CPA3: variants seen among roughly 807,000 people sequenced by gnomAD.
The protein encoded by CPA3 is mast cell carboxypeptidase A.
In CPA3, 52 loss-of-function variants were observed where a neutral mutation model predicts 55.8. The observed-to-expected ratio is 0.93, with a 90% CI of 0.75 to 1.17. The LOEUF (loss-of-function observed/expected upper bound fraction) is 1.17. Ranked by LOEUF, CPA3 falls within the 50% of genes most tolerant of loss-of-function variation. The pLI, the probability that CPA3 is intolerant of heterozygous loss-of-function variation, is 0.00. For missense variants in CPA3, 547 were observed against 509.1 expected (o/e 1.07, Z -0.72); for synonymous variants, 179 against 171.2 (o/e 1.05, Z -0.36).
Position 148,881,587 on chromosome 3 carries a change from T to C in CPA3, c.642T>C (p.Ile214=). The C allele has an allele frequency of 6.2e-7, 1 of 1,613,194 alleles. No homozygotes were observed. The highest frequency in any genetic ancestry group is 8.5e-7 in the Non-Finnish European group (1 of 1,179,482). ...TCTTGGACCGAATGAATTTTTACAT[T>C]CTTCCTGTGTTCAATGTTGATGGAT... is the stretch of plus-strand genomic sequence containing the variant. ...TKLLDRMNFY[I]LPVFNVDGYI... The change falls in exon 7 of 11, where the codon ATT becomes ATC. Residue 214 remains isoleucine (I), a synonymous_variant. Transcript: ENST00000296046.
chr3:148,882,855 A>G (rs1037721761), intron 8 of CPA3, among the ~76,000 whole-genome samples: 1 of 152,120 alleles, frequency 6.6e-6, no homozygotes, highest in African/African-American at 2.4e-5. Flanking sequence ...CACAATCCAA[A>G]TGTATAAAAA....
At chr3:148,884,546 T>G (rs1015477032) in intron 9 of CPA3, among the ~76,000 whole-genome samples, 3 of 152,196 alleles carry the variant, frequency 2.0e-5, no homozygotes, top group Non-Finnish European at 4.4e-5. Flanking sequence ...CTTTCAGTAA[T>G]AGCTGTGGTC....
At chr3:148,876,544 CTT>C (rs1382521194) in intron 3 of CPA3, among the ~76,000 whole-genome samples, 1 of 151,892 alleles carries the variant, frequency 6.6e-6, no homozygotes, top group Admixed American at 6.6e-5. Flanking sequence ...ACCTGGCTAA[CTT>C]TTGTATTTTT....
intron 10 of CPA3, among the ~76,000 whole-genome samples, chr3:148,888,734 CAATT>C (rs1231617976): frequency 6.6e-6 from 1 of 152,122 alleles, no homozygotes; most frequent in Non-Finnish European, 1.5e-5. Flanking sequence ...TTGCAAAAGG[CAATT>C]AAAGCATCAA....
rs574568096 is a variant in CPA3 at position 148,867,239 on chromosome 3, T to C, written c.145-1676T>C. Among the ~76,000 whole-genome samples, 177 of 152,334 alleles carry C rather than the reference T, an allele frequency of 1.2e-3. 1 individual carries two copies. The highest frequency in any genetic ancestry group is 3.7e-3 in the Admixed American group (56 of 15,300). On this transcript the variant is annotated intron_variant, in intron 2 of 10. Coordinates refer to ENST00000296046, the MANE Select transcript of CPA3 (RefSeq NM_001870.4). ...CATGAAAATGTGTTTCTCTCCCTTTTGACCTGGGTAAGTCCTACTTATTTC... is the reference window on the plus strand; with the variant it reads ...CATGAAAATGTGTTTCTCTCCCTTTCGACCTGGGTAAGTCCTACTTATTTC...
At chr3:148,882,844 G>C (rs1714407201) in intron 8 of CPA3, among the ~76,000 whole-genome samples, 1 of 151,974 alleles carries the variant, frequency 6.6e-6, no homozygotes, top group African/African-American at 2.4e-5. Context: ...TAAAAATTAA[G>C]CACAATCCAA....
chr3:148,882,620 G>A lies in CPA3; in HGVS notation c.778+25G>A, dbSNP rs905724569. ...TGTGAGTAGCAGACTTGCTATCAAG[G>A]AAAATTGCTATAAGGAATATTTAGG... is the stretch of plus-strand genomic sequence containing the variant. On this transcript the variant is annotated intron_variant, in intron 8 of 10. Transcript: ENST00000296046. 4 of 1,586,406 alleles carry A rather than the reference G, an allele frequency of 2.5e-6. No homozygotes were observed. The African/African-American group carries it at 5.4e-5, about 21-fold the overall frequency.
Position 148,885,669 on chromosome 3 carries a change from G to C in CPA3, c.982-424G>C, listed in dbSNP as rs548339484. On this transcript the variant is annotated intron_variant, in intron 9 of 10. Transcript: ENST00000296046. ...TCATGATCTGCCCACCTCAGCCTCC[G>C]CAAGTGCTGGGATTACAGGCGTGAG... Among the ~76,000 whole-genome samples, 187 of 151,862 alleles carry C rather than the reference G, an allele frequency of 1.2e-3. 1 individual carries two copies. The highest frequency in any genetic ancestry group is 2.0e-3 in the Non-Finnish European group (133 of 67,928).
chr3:148,874,100 A>G (rs1424922762), intron 3 of CPA3, among the ~76,000 whole-genome samples: 1 of 152,140 alleles, frequency 6.6e-6, no homozygotes, highest in African/African-American at 2.4e-5. Flanking sequence ...CCTTAGGCTT[A>G]ATTTCTAGTC....
chr3:148,865,487 G>T lies in CPA3; in HGVS notation c.83G>T (p.Arg28Leu), dbSNP rs781309145. 1 of 1,613,664 alleles carries T rather than the reference G, an allele frequency of 6.2e-7. No homozygotes were observed. The highest frequency in any genetic ancestry group is 1.1e-5 in the South Asian group (1 of 91,040). ...CCTCCACAAAGGGAGAAGGTGTTCCGCGTGAAGCCCCAGGATGAAAAACAA... is the reference window on the plus strand; with the variant it reads ...CCTCCACAAAGGGAGAAGGTGTTCCTCGTGAAGCCCCAGGATGAAAAACAA... ...PVRFDREKVFRVKPQDEKQAD... is the reference protein window; with the variant it reads ...PVRFDREKVFLVKPQDEKQAD... Residue 28 changes from arginine (R) to leucine (L), a missense_variant, in exon 2 of 11, where the codon CGC becomes CTC. By Grantham distance (102) the Arg-to-Leu change is moderately radical. Transcript: ENST00000296046.
At chr3:148,876,811 G>C (rs1479202352) in intron 3 of CPA3, among the ~76,000 whole-genome samples, 2 of 152,096 alleles carry the variant, frequency 1.3e-5, no homozygotes, top group African/African-American at 4.8e-5. Flanking sequence ...AAAGATTAAT[G>C]AAGCAAATAG....
At chr3:148,877,094 T>C (rs1003859900) in intron 3 of CPA3, among the ~76,000 whole-genome samples, 4 of 152,240 alleles carry the variant, frequency 2.6e-5, no homozygotes, top group African/African-American at 9.6e-5. Context: ...GTTGGATGTG[T>C]AAGCCTAGAG....
At chr3:148,867,256 A>G (rs1456936651) in intron 2 of CPA3, among the ~76,000 whole-genome samples, 2 of 152,036 alleles carry the variant, frequency 1.3e-5, no homozygotes, top group Admixed American at 6.6e-5. Flanking sequence ...GGTAAGTCCT[A>G]CTTATTTCTC....
At chr3:148,888,217 T>C (rs1714582877) in intron 10 of CPA3, among the ~76,000 whole-genome samples, 1 of 152,236 alleles carries the variant, frequency 6.6e-6, no homozygotes, top group South Asian at 2.1e-4. Context: ...TCCTCAGCAA[T>C]TGCGATGGAA....
rs537010157 is a variant in CPA3, at chr3:148,883,152, C to T, written c.779-461C>T. On this transcript the variant is annotated intron_variant, in intron 8 of 10. Transcript: ENST00000296046. ...CTTCTGTGCCTAATTTTGTTGAAAA[C>T]ATCACCTGAGCTTTTAACTGTATTC... is the stretch of plus-strand genomic sequence containing the variant. Among the ~76,000 whole-genome samples, 33 of 152,318 alleles carry T rather than the reference C, an allele frequency of 2.2e-4. No individual in the cohort carries two copies. In the Middle Eastern group the frequency reaches 0.024, roughly 110 times the overall value.
At position 148,878,632 on chromosome 3, in the gene CPA3, G is replaced by T. The variant is rs1248856867; in HGVS notation, c.373-15G>T. The T allele has an allele frequency of 1.3e-6, 2 of 1,586,300 alleles. No individual in the cohort carries two copies. Among genetic ancestry groups the T allele is most frequent in the Non-Finnish European group, 1.7e-6 (2 of 1,161,232 alleles). ...TCTTTTATTCTAATTTCTCAAAATT[G>T]ATTTTGCTCTTAAGATTGTGGCTTG... On this transcript the variant is annotated splice_polypyrimidine_tract_variant and intron_variant, in intron 4 of 10. Transcript: ENST00000296046.
chr3:148,884,168 G>C (rs1422017939), intron 9 of CPA3, among the ~76,000 whole-genome samples: 1 of 152,080 alleles, frequency 6.6e-6, no homozygotes, highest in Non-Finnish European at 1.5e-5. Context: ...GAATAGCAAA[G>C]ACATTTACTA....
intron 9 of CPA3, among the ~76,000 whole-genome samples, chr3:148,885,153 G>C (rs924798890): frequency 1.3e-5 from 2 of 151,980 alleles, no homozygotes; most frequent in African/African-American, 2.4e-5. Context: ...TTCTTCCCTT[G>C]GTATGCTGAA....
At chr3:148,894,542 T>A (rs1451632420) in intron 10 of CPA3, among the ~76,000 whole-genome samples, 1 of 151,696 alleles carries the variant, frequency 6.6e-6, no homozygotes, top group Non-Finnish European at 1.5e-5. Context: ...TAAAGACACA[T>A]GGGCAGAATG....
Sources: allele counts gnomAD v4.1 joint callset (sites outside exome capture counted in the v4.1 genomes callset), GRCh38; gene constraint gnomAD v4.1.1; transcripts MANE v1.5; gene names NCBI Gene and HGNC (gene_info 2026-07-23, HGNC 2026-07-21).